WWP1: variants seen among roughly 807,000 people sequenced by gnomAD.
WWP1 encodes WW domain containing E3 ubiquitin protein ligase 1.
A neutral mutation model predicts 130.6 loss-of-function variants in WWP1; 49 were observed. The observed-to-expected ratio is 0.38, with a 90% CI of 0.30 to 0.48. The LOEUF is 0.48. Ranked by LOEUF, WWP1 falls within the 20% of genes least tolerant of loss-of-function variation. The pLI is 0.99. For missense variants in WWP1, 809 were observed against 1,100.6 expected (o/e 0.74, Z 3.75); for synonymous variants, 332 against 367.8 (o/e 0.90, Z 1.11).
intron 7 of WWP1, among the ~76,000 whole-genome samples, chr8:86,400,108 A>G (rs1323392217): frequency 6.6e-6 from 1 of 152,012 alleles, no homozygotes; most frequent in East Asian, 1.9e-4. Context: ...AAGCGGGCAG[A>G]TCATGAGGTC....
chr8:86,416,988 T>G (rs547187349), intron 9 of WWP1, among the ~76,000 whole-genome samples: 137 of 152,240 alleles, frequency 9.0e-4, no homozygotes, highest in Middle Eastern at 6.8e-3. Context: ...TTCTGGGGAC[T>G]CACTTTTGGT....
rs1811039978 is a variant in WWP1, at chr8:86,449,068, G to C, written c.2273+555G>C. Among the ~76,000 whole-genome samples the C allele has an allele frequency of 2.7e-5, 4 of 150,354 alleles. No individual in the cohort carries two copies. The South Asian group carries it at 8.4e-4, about 32-fold the overall frequency. Reference sequence around the variant, plus strand: ...TTGCCCAGGCTGGTCTCAAACTCTTGGCCTCAAGTCATCCTCCTTTCCTCA... The same window carrying C: ...TTGCCCAGGCTGGTCTCAAACTCTTCGCCTCAAGTCATCCTCCTTTCCTCA... On this transcript the variant is annotated intron_variant, in intron 20 of 24. Transcript: ENST00000517970.
chr8:86,391,020 T>A (rs1372314252), intron 5 of WWP1, among the ~76,000 whole-genome samples: 2 of 152,212 alleles, frequency 1.3e-5, no homozygotes, highest in Non-Finnish European at 2.9e-5. Flanking sequence ...AAGTTTTTTT[T>A]AATTTCTTCA....
intron 5 of WWP1, among the ~76,000 whole-genome samples, chr8:86,387,201 AT>A (rs1352833634): frequency 6.6e-6 from 1 of 152,170 alleles, no homozygotes; most frequent in East Asian, 1.9e-4. Context: ...CCATATATAT[AT>A]TAAATGACCC....
intron 8 of WWP1, among the ~76,000 whole-genome samples, chr8:86,403,856 A>C (rs1808137251): frequency 6.6e-6 from 1 of 152,178 alleles, no homozygotes. Context: ...AGATACAATT[A>C]TGGTGAAATT....
At chr8:86,403,920 T>G (rs1348114729) in intron 8 of WWP1, among the ~76,000 whole-genome samples, 2 of 152,146 alleles carry the variant, frequency 1.3e-5, no homozygotes, top group Admixed American at 6.5e-5. Context: ...GGTAAGAACA[T>G]TTGTCTCTGA....
At chr8:86,389,553 T>A in intron 5 of WWP1, among the ~76,000 whole-genome samples, 1 of 152,256 alleles carries the variant, frequency 6.6e-6, no homozygotes. Context: ...TATGTCTACT[T>A]CTTTCTACAC....
intron 24 of WWP1, among the ~76,000 whole-genome samples, chr8:86,462,318 G>A (rs527527954): frequency 3.8e-4 from 58 of 152,324 alleles, no homozygotes; most frequent in African/African-American, 1.3e-3. Flanking sequence ...AGAGCATGAT[G>A]TGGGAGTACG....
chr8:86,419,719 T>C (rs926234252), intron 9 of WWP1, among the ~76,000 whole-genome samples: 2 of 151,966 alleles, frequency 1.3e-5, no homozygotes, highest in African/African-American at 4.8e-5. Flanking sequence ...ACAAATTTCT[T>C]CATTGAAAAG....
chr8:86,431,595 A>AT lies in WWP1; in HGVS notation c.1473-16dup, dbSNP rs1391312779. On this transcript the variant is annotated intron_variant, in intron 13 of 24. Coordinates refer to ENST00000517970, the MANE Select transcript of WWP1 (RefSeq NM_007013.4). ...GTACCTAGAAAAGGTTCATCTTGTG[A>AT]TTTTAACTTTATCTTTTAGCTTACA... 3.1e-6 allele frequency: 5 copies of AT among 1,612,780 alleles called. No homozygotes were observed. The African/African-American group carries it at 5.3e-5, about 17-fold the overall frequency.
At chr8:86,458,647 C>T (rs941772983) in intron 22 of WWP1, among the ~76,000 whole-genome samples, 11 of 152,212 alleles carry the variant, frequency 7.2e-5, no homozygotes, top group African/African-American at 2.6e-4. Flanking sequence ...CTAATTGGGA[C>T]TCTTTTGAGC....
intron 24 of WWP1, among the ~76,000 whole-genome samples, chr8:86,462,431 T>A (rs985219963): frequency 6.6e-6 from 1 of 152,174 alleles, no homozygotes; most frequent in South Asian, 2.1e-4. Context: ...TGGAACTTGG[T>A]AAATCAGAAG....
At chr8:86,444,774 A>G (rs1810771726) in intron 18 of WWP1, among the ~76,000 whole-genome samples, 1 of 152,180 alleles carries the variant, frequency 6.6e-6, no homozygotes, top group Non-Finnish European at 1.5e-5. Flanking sequence ...GATACAGCAA[A>G]TATAAACAAG....
At chr8:86,431,561 A>G in intron 13 of WWP1, 54 bp from the exon 14 acceptor site, 1 of 1,611,816 alleles carries the variant, frequency 6.2e-7, no homozygotes, top group East Asian at 2.2e-5. Flanking sequence ...CTTGAATGAG[A>G]TATTTTTAGT....
At chr8:86,355,769 TAAC>T (rs1266481984) in intron 1 of WWP1, among the ~76,000 whole-genome samples, 1 of 152,216 alleles carries the variant, frequency 6.6e-6, no homozygotes, top group Non-Finnish European at 1.5e-5. Flanking sequence ...AAGGCTAGCT[TAAC>T]AGCCCACAAA....
At chr8:86,390,522 G>A (rs1027058158) in intron 5 of WWP1, among the ~76,000 whole-genome samples, 2 of 152,106 alleles carry the variant, frequency 1.3e-5, no homozygotes, top group African/African-American at 4.8e-5. Flanking sequence ...GCGAAACCCC[G>A]TCTCCACCAA....
chr8:86,408,587 C>CT (rs1189462348), intron 8 of WWP1, among the ~76,000 whole-genome samples: 1 of 152,042 alleles, frequency 6.6e-6, no homozygotes, highest in African/African-American at 2.4e-5. Flanking sequence ...TATTTTATGT[C>CT]TGTATTCATT....
At chr8:86,410,112 T>C (rs1318250797) in intron 8 of WWP1, among the ~76,000 whole-genome samples, 1 of 152,230 alleles carries the variant, frequency 6.6e-6, no homozygotes, top group Admixed American at 6.5e-5. Flanking sequence ...GATGTTAGTC[T>C]ATAGTCTTCT....
intron 21 of WWP1, among the ~76,000 whole-genome samples, chr8:86,454,125 A>G (rs139488394): frequency 0.014 from 2,096 of 152,220 alleles, 25 homozygotes; most frequent in Non-Finnish European, 0.022. Flanking sequence ...GGACACCACA[A>G]TCCATGGACA....
Sources: allele counts gnomAD v4.1 joint callset (sites outside exome capture counted in the v4.1 genomes callset), GRCh38; gene constraint gnomAD v4.1.1; transcripts MANE v1.5; gene names NCBI Gene and HGNC (gene_info 2026-07-23, HGNC 2026-07-21).